The following PPP1R37 variants were observed in gnomAD, a reference collection of about 807,000 sequenced individuals.
The protein encoded by PPP1R37 is leucine rich repeat containing 68.
In PPP1R37, 21 loss-of-function variants were observed where a neutral mutation model predicts 61.0. That is an observed-to-expected ratio of 0.34 (90% CI 0.24 to 0.50). The LOEUF is 0.50. Among genes scored for constraint, PPP1R37 ranks in the 20% least tolerant of loss-of-function variants. The probability of loss-of-function intolerance (pLI) is 0.98; values close to 1 mark genes in which losing one functional copy is unlikely to be tolerated. For synonymous variants in PPP1R37, 443 were observed against 433.5 expected (o/e 1.02, Z -0.27); for missense variants, 910 against 952.7 (o/e 0.96, Z 0.59).
intron 2 of PPP1R37, among the ~76,000 whole-genome samples, chr19:45,138,822 G>C (rs1968570810): frequency 6.6e-6 from 1 of 151,326 alleles, no homozygotes; most frequent in African/African-American, 2.4e-5. Flanking sequence ...TCAGGTATCT[G>C]TCAGCCCCAA....
rs1248199242 is a variant in PPP1R37, at chr19:45,113,598, T to C, written c.202+20071T>C. On this transcript the variant is annotated intron_variant, in intron 1 of 12. Coordinates refer to ENST00000221462, the MANE Select transcript of PPP1R37 (RefSeq NM_019121.2). ...CAGAGAGCTTTACCTCCTGTCCTCT[T>C]GACTCTTCATGGCAAAGCTGGAAAT... Among the ~76,000 whole-genome samples the C allele has an allele frequency of 2.0e-5, 3 of 152,202 alleles. No homozygotes were observed. In the East Asian group the frequency reaches 5.8e-4, roughly 29 times the overall value.
chr19:45,116,579 T>C (rs1968270439), intron 1 of PPP1R37, among the ~76,000 whole-genome samples: 1 of 152,146 alleles, frequency 6.6e-6, no homozygotes, highest in Non-Finnish European at 1.5e-5. Flanking sequence ...CATCCCAGCC[T>C]CCCCTGAGCA....
chr19:45,106,522 G>A (rs913226002), intron 1 of PPP1R37, among the ~76,000 whole-genome samples: 20 of 152,186 alleles, frequency 1.3e-4, no homozygotes, highest in Admixed American at 5.2e-4. Flanking sequence ...GGGATTACAG[G>A]CGTGAGCCGC....
chr19:45,104,147 C>A (rs1055244508), intron 1 of PPP1R37, among the ~76,000 whole-genome samples: 1 of 152,208 alleles, frequency 6.6e-6, no homozygotes, highest in Non-Finnish European at 1.5e-5. Flanking sequence ...CTCCCCCTCC[C>A]GTGCTGCCTT....
intron 1 of PPP1R37, among the ~76,000 whole-genome samples, chr19:45,101,722 G>GA (rs11395655): frequency 0.67 from 101,313 of 152,006 alleles, 34,696 homozygotes; most frequent in African/African-American, 0.75. Flanking sequence ...TGTCTCAAAA[G>GA]AAAAAGGAGG....
rs11312138 is a variant in PPP1R37 at position 45,120,014 on chromosome 19, C to CTTTTTTTTTTT, written c.203-18489_203-18479dup. On this transcript the variant is annotated intron_variant, in intron 1 of 12. Coordinates refer to ENST00000221462, the MANE Select transcript of PPP1R37 (RefSeq NM_019121.2). ...AGCACAGATTTTTTATTTTCCCCTT[C>CTTTTTTTTTTT]TTTTTTTTTTTTTTTTTTTTTGAGA... Among the ~76,000 whole-genome samples, 175 of 83,564 alleles carry CTTTTTTTTTTT rather than the reference C, an allele frequency of 2.1e-3. 3 individuals carry two copies. The highest frequency in any genetic ancestry group is 0.017 in the Middle Eastern group (2 of 120). 54.8% of individuals were successfully genotyped at this position (83,564 alleles called of 152,430 possible).
intron 1 of PPP1R37, chr19:45,128,649 A>G: frequency 8.0e-7 from 1 of 1,242,246 alleles, no homozygotes; most frequent in Non-Finnish European, 1.2e-6. Flanking sequence ...ATTATGTAAC[A>G]CTGGCTTCGT....
At chr19:45,123,158 C>T (rs1289485141) in intron 1 of PPP1R37, among the ~76,000 whole-genome samples, 1 of 145,710 alleles carries the variant, frequency 6.9e-6, no homozygotes, top group Non-Finnish European at 1.5e-5. Context: ...CTGGATTTGT[C>T]TCACTGATTG....
At chr19:45,107,415 G>A (rs185988413) in intron 1 of PPP1R37, among the ~76,000 whole-genome samples, 3 of 151,972 alleles carry the variant, frequency 2.0e-5, no homozygotes, top group Non-Finnish European at 1.5e-5. Flanking sequence ...CAGCCTGGAC[G>A]ACATGGTGAG....
At chr19:45,111,011 A>C (rs1253422427) in intron 1 of PPP1R37, among the ~76,000 whole-genome samples, 1 of 151,992 alleles carries the variant, frequency 6.6e-6, no homozygotes, top group Non-Finnish European at 1.5e-5. Context: ...CCTGTCACCT[A>C]CTGAGGACTT....
intron 1 of PPP1R37, among the ~76,000 whole-genome samples, chr19:45,131,317 G>T (rs370894819): frequency 6.6e-6 from 1 of 152,198 alleles, no homozygotes; most frequent in Admixed American, 6.5e-5. Flanking sequence ...ATCTCTCCCT[G>T]GAGCTCATGC....
intron 4 of PPP1R37, 47 bp downstream of exon 4, chr19:45,140,653 C>T: frequency 7.0e-7 from 1 of 1,435,254 alleles, no homozygotes; most frequent in East Asian, 2.5e-5. Flanking sequence ...GCTCCCGGGC[C>T]CCTTCGAGGT....
chr19:45,119,748 A>T (rs1164510668), intron 1 of PPP1R37, among the ~76,000 whole-genome samples: 1 of 152,202 alleles, frequency 6.6e-6, no homozygotes, highest in African/African-American at 2.4e-5. Context: ...GTGGCCAGGT[A>T]GGGCTGTGTC....
At chr19:45,146,121 G>C (rs777929764) in intron 11 of PPP1R37, 72 bp downstream of exon 11, 51 of 1,410,116 alleles carry the variant, frequency 3.6e-5, no homozygotes, top group Non-Finnish European at 4.7e-5. Flanking sequence ...GCCCCTGCCT[G>C]TTGTGGACCT....
At chr19:45,113,520 C>T (rs923016864) in intron 1 of PPP1R37, among the ~76,000 whole-genome samples, 2 of 152,234 alleles carry the variant, frequency 1.3e-5, no homozygotes, top group Non-Finnish European at 2.9e-5. Context: ...AGCCAGAGCC[C>T]AGCCCCTGCC....
At chr19:45,118,897 C>G (rs1188627459) in intron 1 of PPP1R37, among the ~76,000 whole-genome samples, 1 of 151,914 alleles carries the variant, frequency 6.6e-6, no homozygotes, top group African/African-American at 2.4e-5. Flanking sequence ...TGCCAGACCT[C>G]CCTCCCGGCC....
chr19:45,105,377 T>G (rs1315102247), intron 1 of PPP1R37, among the ~76,000 whole-genome samples: 1 of 152,064 alleles, frequency 6.6e-6, no homozygotes, highest in African/African-American at 2.4e-5. Context: ...GCTTGCCCTC[T>G]CTGTGGGGCA....
chr19:45,140,562 C>T lies in PPP1R37; in HGVS notation c.403C>T (p.Gln135Ter). The change falls in exon 4 of 13, where the codon CAG becomes TAG. Residue 135 changes from glutamine to a stop codon, truncating the protein, a stop_gained. Coordinates refer to ENST00000221462, the MANE Select transcript of PPP1R37 (RefSeq NM_019121.2). LOFTEE classifies it high-confidence loss of function. ...CCTGGAAGAGGTCTTCAAGAGGCTGCAGTTCAAGGTCGTGGACCTGGAGCA... is the reference window on the plus strand; with the variant it reads ...CCTGGAAGAGGTCTTCAAGAGGCTGTAGTTCAAGGTCGTGGACCTGGAGCA... ...EALEEVFKRL[Q>*]FKVVDLEQTN... The T allele has an allele frequency of 2.0e-6, 3 of 1,536,086 alleles. No homozygotes were observed. Among genetic ancestry groups the T allele is most frequent in the Non-Finnish European group, 2.6e-6 (3 of 1,146,874 alleles).
chr19:45,138,515 C>T lies in PPP1R37; in HGVS notation c.204C>T (p.Ala68=), dbSNP rs1280340537. 1 of 1,535,600 alleles carries T rather than the reference C, an allele frequency of 6.5e-7. No individual in the cohort carries two copies. Among genetic ancestry groups the T allele is most frequent in the South Asian group, 1.2e-5 (1 of 84,030 alleles). Reference sequence around the variant, plus strand: ...GGCCTGGGTCCCCTGTGCCTGCAGCCCAGAATGTGACCGTGGACGAGGTCA... The same window carrying T: ...GGCCTGGGTCCCCTGTGCCTGCAGCTCAGAATGTGACCGTGGACGAGGTCA... ...AVEPKDPWRH[A]QNVTVDEVIG... Residue 68 remains alanine, a splice_region_variant and synonymous_variant, in exon 2 of 13, where the codon GCC becomes GCT. Transcript: ENST00000221462.
Sources: gnomAD v4.1 joint callset for allele counts (sites outside exome capture counted in the v4.1 genomes callset) on GRCh38, gnomAD v4.1.1 for gene constraint, MANE v1.5 for transcripts, NCBI Gene and HGNC (gene_info 2026-07-23, HGNC 2026-07-21) for gene names.